The following FNDC3A variants were observed in gnomAD, a reference collection of about 807,000 sequenced individuals.
FNDC3A encodes the protein fibronectin type-III domain-containing protein 3A.
Under a neutral mutation model 148.9 loss-of-function variants are expected in FNDC3A, and 32 were observed. The ratio of observed to expected loss-of-function variants is 0.21; its 90% CI spans 0.16 to 0.29. The LOEUF (loss-of-function observed/expected upper bound fraction) is 0.29. Ranked by LOEUF, FNDC3A falls within the 10% of genes least tolerant of loss-of-function variation. FNDC3A has a pLI of 1.00. For synonymous variants in FNDC3A, 472 were observed against 473.6 expected, an observed-to-expected ratio of 1.00 and a Z score of 0.04; for missense variants, 1,191 against 1,452.8, an observed-to-expected ratio of 0.82 and a Z score of 2.93.
At chr13:49,160,884 A>G (rs1201382986) in intron 8 of FNDC3A, among the ~76,000 whole-genome samples, 1 of 152,080 alleles carries the variant, frequency 6.6e-6, no homozygotes, top group Non-Finnish European at 1.5e-5. Context: ...TGTACCCAGT[A>G]GTCATTCAGG....
At chr13:49,102,768 G>A (rs978205171) in intron 3 of FNDC3A, among the ~76,000 whole-genome samples, 2 of 152,176 alleles carry the variant, frequency 1.3e-5, no homozygotes, top group African/African-American at 4.8e-5. Context: ...AATGCATTAT[G>A]CAGTGACCAG....
At chr13:49,018,104 A>G (rs1872970107) in intron 2 of FNDC3A, among the ~76,000 whole-genome samples, 2 of 150,672 alleles carry the variant, frequency 1.3e-5, no homozygotes, top group African/African-American at 4.9e-5. Context: ...CTCGAGGAGT[A>G]TCTTTGTGGC....
chr13:49,144,943 T>A (rs190309768), intron 7 of FNDC3A, among the ~76,000 whole-genome samples: 383 of 151,946 alleles, frequency 2.5e-3, no homozygotes, highest in Non-Finnish European at 3.7e-3. Flanking sequence ...CACCTCATGT[T>A]CTTTTTTGAG....
chr13:49,191,145 T>C, intron 18 of FNDC3A, 25 bp downstream of exon 18: 2 of 1,604,012 alleles, frequency 1.2e-6, no homozygotes, highest in Non-Finnish European at 1.7e-6. Context: ...GGTAATAAAT[T>C]ATAATTAAGC....
chr13:49,135,016 C>T (rs1229395154), intron 5 of FNDC3A, among the ~76,000 whole-genome samples: 8 of 151,194 alleles, frequency 5.3e-5, no homozygotes, highest in African/African-American at 1.7e-4. Context: ...CCACCACGCC[C>T]GGCTAATTTT....
intron 3 of FNDC3A, among the ~76,000 whole-genome samples, chr13:49,096,802 G>C (rs1482120406): frequency 6.6e-6 from 1 of 152,154 alleles, no homozygotes; most frequent in Admixed American, 6.5e-5. Context: ...CTATGATGGA[G>C]TTTATGTGGG....
chr13:49,147,549 A>G (rs1883062932), intron 8 of FNDC3A, among the ~76,000 whole-genome samples: 1 of 151,948 alleles, frequency 6.6e-6, no homozygotes, highest in Non-Finnish European at 1.5e-5. Context: ...AAAAAAAAGT[A>G]GGGAATAGGC....
At chr13:49,045,920 A>G (rs186160683) in intron 2 of FNDC3A, 6 of 217,348 alleles carry the variant, frequency 2.8e-5, no homozygotes, top group Admixed American at 6.0e-5. Context: ...TATCAGGGAC[A>G]ATACTTTTTC....
intron 17 of FNDC3A, 40 bp from the exon 18 acceptor site, chr13:49,190,975 T>C: frequency 7.1e-7 from 1 of 1,404,378 alleles, no homozygotes; most frequent in Non-Finnish European, 9.9e-7. Context: ...TTATTTGGTT[T>C]TGGGGCATTT....
intron 4 of FNDC3A, among the ~76,000 whole-genome samples, chr13:49,119,326 C>T (rs1881181037): frequency 6.6e-6 from 1 of 152,122 alleles, no homozygotes; most frequent in South Asian, 2.1e-4. Flanking sequence ...ACGATGTCCA[C>T]ACAGAAACCC....
chr13:49,188,809 C>T (rs1420229162), intron 17 of FNDC3A, among the ~76,000 whole-genome samples, 176 bp downstream of exon 17: 2 of 152,130 alleles, frequency 1.3e-5, no homozygotes, highest in Non-Finnish European at 2.9e-5. Context: ...ACTTAGCTCA[C>T]AGTAAGTATT....
intron 14 of FNDC3A, among the ~76,000 whole-genome samples, chr13:49,184,218 AG>A (rs1885446865): frequency 6.6e-6 from 1 of 152,244 alleles, no homozygotes; most frequent in South Asian, 2.1e-4. Context: ...GAAATCACAT[AG>A]GGCCTTGTAG....
In FNDC3A at chr13:49,070,253, T is replaced by A. The variant is rs1877559195; in HGVS notation, c.100-5036T>A. Among the ~76,000 whole-genome samples the A allele has an allele frequency of 2.0e-5, 3 of 152,112 alleles. No homozygotes were observed. The South Asian group carries it at 6.2e-4, about 32-fold the overall frequency. ...TTCAAGCAGTTCTCCTGCCGCAGCC[T>A]CCTGAGTAGCTGGGGTTACAGGCAC... On this transcript the variant is annotated intron_variant, in intron 2 of 25. Coordinates refer to ENST00000492622, the MANE Select transcript of FNDC3A (RefSeq NM_001079673.2).
chr13:49,133,968 T>C (rs1326169740), intron 5 of FNDC3A, among the ~76,000 whole-genome samples: 2 of 152,346 alleles, frequency 1.3e-5, no homozygotes, highest in East Asian at 3.9e-4. Flanking sequence ...TTGCAGTTGC[T>C]ATTTTTCTTA....
At chr13:48,985,355 T>G (rs890142003) in intron 1 of FNDC3A, among the ~76,000 whole-genome samples, 2 of 152,210 alleles carry the variant, frequency 1.3e-5, no homozygotes, top group Admixed American at 1.3e-4. Flanking sequence ...ATCTATCCAT[T>G]TCAAATGTAC....
chr13:49,170,226 A>G (rs865888800), intron 10 of FNDC3A, among the ~76,000 whole-genome samples: 1 of 152,300 alleles, frequency 6.6e-6, no homozygotes, highest in Middle Eastern at 3.4e-3. Context: ...GGAGGATAGT[A>G]TTATATACCT....
chr13:49,021,697 CA>C (rs1310109766), intron 2 of FNDC3A, among the ~76,000 whole-genome samples: 2 of 151,688 alleles, frequency 1.3e-5, no homozygotes, highest in Admixed American at 6.6e-5. Flanking sequence ...TCTAGAGTTC[CA>C]AAAAAAATTA....
chr13:49,085,423 G>A (rs1380626229), intron 3 of FNDC3A, among the ~76,000 whole-genome samples: 1 of 152,074 alleles, frequency 6.6e-6, no homozygotes, highest in Non-Finnish European at 1.5e-5. Flanking sequence ...TTGTTGGGGA[G>A]GAGAGAGGAA....
intron 7 of FNDC3A, among the ~76,000 whole-genome samples, chr13:49,143,841 A>G (rs1209341874): frequency 1.3e-5 from 2 of 152,000 alleles, no homozygotes; most frequent in Non-Finnish European, 2.9e-5. Flanking sequence ...CTGATAAAGC[A>G]AGCTTCATAA....
Sources: allele counts gnomAD v4.1 joint callset (sites outside exome capture counted in the v4.1 genomes callset), GRCh38; gene constraint gnomAD v4.1.1; transcripts MANE v1.5; gene names NCBI Gene and HGNC (gene_info 2026-07-23, HGNC 2026-07-21).